Variants in DYM observed in about 807,000 individuals in gnomAD.
DYM encodes the protein dymeclin, also known as dyggve-Melchior-Clausen syndrome protein.
A neutral mutation model predicts 93.1 loss-of-function variants in DYM; 78 were observed. That is an observed-to-expected ratio of 0.84 (90% confidence interval 0.70 to 1.01). DYM has a LOEUF of 1.01. Ranked by LOEUF, DYM falls within the 50% of genes least tolerant of loss-of-function variation. The pLI, the probability that DYM is intolerant of heterozygous loss-of-function variation, is 0.00. For synonymous variants in DYM, 321 were observed against 319.7 expected (o/e 1.00, Z -0.04); for missense variants, 789 against 845.0 (o/e 0.93, Z 0.82).
intron 14 of DYM, among the ~76,000 whole-genome samples, chr18:49,205,605 A>G (rs944127109): frequency 5.3e-5 from 8 of 152,200 alleles, no homozygotes; most frequent in African/African-American, 1.9e-4. Context: ...TAATAAAAAG[A>G]CTGCATAATC....
chr18:49,269,757 C>T (rs2094644451), intron 11 of DYM, among the ~76,000 whole-genome samples: 1 of 152,096 alleles, frequency 6.6e-6, no homozygotes, highest in Non-Finnish European at 1.5e-5. Flanking sequence ...AAAAAAGTTC[C>T]AGTAAGCTAA....
chr18:49,289,747 A>G (rs1223687766), intron 8 of DYM, among the ~76,000 whole-genome samples: 451 of 39,668 alleles, frequency 0.011, 14 homozygotes, highest in African/African-American at 0.029. Context: ...ATATATATAT[A>G]TATATATATA....
At chr18:49,241,218 T>C (rs79016145) in intron 13 of DYM, among the ~76,000 whole-genome samples, 1,760 of 152,330 alleles carry the variant, frequency 0.012, 13 homozygotes, top group Middle Eastern at 0.048. Flanking sequence ...TTCTACTCAC[T>C]CACAACTGAG....
intron 13 of DYM, among the ~76,000 whole-genome samples, chr18:49,231,576 T>A (rs2093696109): frequency 6.6e-6 from 1 of 152,194 alleles, no homozygotes; most frequent in African/African-American, 2.4e-5. Flanking sequence ...AAAATGCAGG[T>A]CACAGTTACA....
chr18:49,088,006 T>C (rs2078703092), intron 17 of DYM, among the ~76,000 whole-genome samples: 1 of 152,212 alleles, frequency 6.6e-6, no homozygotes, highest in Non-Finnish European at 1.5e-5. Context: ...TTGTAGATTC[T>C]GTATATTAGC....
In DYM at chr18:49,096,280, G is replaced by T. The variant is rs574125662; in HGVS notation, c.2025+1122C>A. 2.0e-5 allele frequency among the ~76,000 whole-genome samples: 3 copies of T among 152,270 alleles called. No individual in the cohort carries two copies. In the South Asian group the frequency reaches 6.2e-4, roughly 32 times the overall value. On this transcript the variant is annotated intron_variant, in intron 17 of 17. Transcript: ENST00000675505. Reference sequence around the variant, plus strand: ...ACAGTACCGTGTGAATCTCCCTGTTGTTTATGTACAGTGGAACTTCAGTAA... The same window carrying T: ...ACAGTACCGTGTGAATCTCCCTGTTTTTTATGTACAGTGGAACTTCAGTAA...
At chr18:49,087,544 T>C (rs1294536238) in intron 17 of DYM, among the ~76,000 whole-genome samples, 1 of 152,192 alleles carries the variant, frequency 6.6e-6, no homozygotes, top group African/African-American at 2.4e-5. Flanking sequence ...AATATGACAT[T>C]AAGCCATTGT....
At chr18:49,166,232 T>C (rs1424695670) in intron 14 of DYM, among the ~76,000 whole-genome samples, 1 of 152,228 alleles carries the variant, frequency 6.6e-6, no homozygotes, top group African/African-American at 2.4e-5. Flanking sequence ...TGTATACATA[T>C]ATATCCATCT....
intron 5 of DYM, among the ~76,000 whole-genome samples, chr18:49,376,253 C>T (rs2067499681): frequency 6.6e-6 from 1 of 152,196 alleles, no homozygotes; most frequent in African/African-American, 2.4e-5. Flanking sequence ...AACCAGCCAA[C>T]TATGTCATCT....
intron 8 of DYM, among the ~76,000 whole-genome samples, chr18:49,292,592 GAAAAAAAA>G (rs72415237): frequency 2.0e-4 from 16 of 78,792 alleles, no homozygotes; most frequent in African/African-American, 5.1e-4. Context: ...TTTCCTGTTG[GAAAAAAAA>G]AAAAAAAAAA....
intron 13 of DYM, among the ~76,000 whole-genome samples, chr18:49,217,661 A>C (rs554527623): frequency 2.6e-5 from 4 of 152,338 alleles, no homozygotes; most frequent in Admixed American, 2.0e-4. Context: ...ACTAAGCTTC[A>C]TAAGTGAAGG....
At chr18:49,421,124 A>G (rs938132801) in intron 2 of DYM, among the ~76,000 whole-genome samples, 1 of 152,210 alleles carries the variant, frequency 6.6e-6, no homozygotes. Flanking sequence ...TTAAATGTCC[A>G]TGTCTGACAG....
chr18:49,063,493 C>T (rs7232933), intron 17 of DYM, among the ~76,000 whole-genome samples: 12,530 of 151,868 alleles, frequency 0.083, 869 homozygotes, highest in African/African-American at 0.19. Context: ...GGACCATGTT[C>T]TCTAATGGGA....
At chr18:49,187,633 T>A (rs1216103431) in intron 14 of DYM, among the ~76,000 whole-genome samples, 1 of 152,120 alleles carries the variant, frequency 6.6e-6, no homozygotes, top group Non-Finnish European at 1.5e-5. Context: ...TGATAATATA[T>A]CTAAAAATAA....
At chr18:49,079,839 A>T (rs2077644602) in intron 17 of DYM, among the ~76,000 whole-genome samples, 1 of 151,614 alleles carries the variant, frequency 6.6e-6, no homozygotes, top group South Asian at 2.1e-4. Flanking sequence ...CCGATTTCTC[A>T]ATCTTTTCCC....
At chr18:49,073,794 T>C (rs1362340687) in intron 17 of DYM, among the ~76,000 whole-genome samples, 1 of 152,222 alleles carries the variant, frequency 6.6e-6, no homozygotes, top group African/African-American at 2.4e-5. Flanking sequence ...TAATCCATTT[T>C]TTCTTCTTCC....
chr18:49,333,110 G>A (rs780404575), intron 7 of DYM, among the ~76,000 whole-genome samples: 3 of 152,208 alleles, frequency 2.0e-5, no homozygotes, highest in African/African-American at 4.8e-5. Context: ...ACTTTATTTG[G>A]ATTTGTTTTA....
At chr18:49,458,348 C>A (rs1023002862) in intron 1 of DYM, among the ~76,000 whole-genome samples, 1 of 151,556 alleles carries the variant, frequency 6.6e-6, no homozygotes, top group Non-Finnish European at 1.5e-5. Flanking sequence ...AAAAAAGGAA[C>A]AATCAGGATG....
In DYM at chr18:49,181,212, A is replaced by G. The variant is rs112348826; in HGVS notation, c.1626-17425T>C. On this transcript the variant is annotated intron_variant, in intron 14 of 17. Transcript: ENST00000675505. Reference sequence around the variant, plus strand: ...TCTGGTAAGAAAAAGTCAAGGATAAAAGTTAAGATGATTTATGAGAGAAAC... The same window carrying G: ...TCTGGTAAGAAAAAGTCAAGGATAAGAGTTAAGATGATTTATGAGAGAAAC... Among the ~76,000 whole-genome samples, 41 of 152,276 alleles carry G rather than the reference A, an allele frequency of 2.7e-4. 1 individual carries two copies. The highest frequency in any genetic ancestry group is 9.4e-4 in the African/African-American group (39 of 41,574).
Sources: allele counts gnomAD v4.1 joint callset (sites outside exome capture counted in the v4.1 genomes callset), GRCh38; gene constraint gnomAD v4.1.1; transcripts MANE v1.5; gene names NCBI Gene and HGNC (gene_info 2026-07-23, HGNC 2026-07-21).